UTRN: variants seen among roughly 807,000 people sequenced by gnomAD.
UTRN encodes the protein utrophin.
In UTRN, 283 loss-of-function variants were observed where a neutral mutation model predicts 463.9. The ratio of observed to expected loss-of-function variants is 0.61; its 90% CI spans 0.55 to 0.67. The LOEUF (loss-of-function observed/expected upper bound fraction) is 0.67, where lower values mean the gene tolerates loss of function less well. Ranked by LOEUF, UTRN falls within the 30% of genes least tolerant of loss-of-function variation. UTRN has a pLI of 0.00. For missense variants in UTRN, 3,922 were observed against 4,084.3 expected, an observed-to-expected ratio of 0.96 and a Z score of 1.08; for synonymous variants, 1,442 against 1,431.5, an observed-to-expected ratio of 1.01 and a Z score of -0.17.
intron 54 of UTRN, among the ~76,000 whole-genome samples, chr6:144,744,645 A>G (rs1199881935): frequency 7.2e-6 from 1 of 138,152 alleles, no homozygotes; most frequent in African/African-American, 2.9e-5. Context: ...ACACACACAC[A>G]CACACACTTT....
In UTRN at chr6:144,803,094, C is replaced by G. The variant is rs768258957; in HGVS notation, c.9304C>G (p.Arg3102Gly). 13 of 1,594,676 alleles carry G rather than the reference C, an allele frequency of 8.2e-6. No individual in the cohort carries two copies. The highest frequency in any genetic ancestry group is 1.7e-6 in the Non-Finnish European group (2 of 1,170,938). Residue 3102 changes from arginine (R) to glycine (G), a missense_variant, in exon 65 of 75, where the codon CGA (arginine) becomes GGA (glycine). By Grantham distance (125) the Arg-to-Gly change is moderately radical. Transcript: ENST00000367545. ...CTGCCAGAGTTGTTTCTTTTCGGGT[C>G]GAACAGCAAAAGGTCACAAATTACA... Reference protein sequence around the residue: ...DVCQSCFFSGRTAKGHKLHYP... With the variant: ...DVCQSCFFSGGTAKGHKLHYP...
chr6:144,824,614 C>CTCTTTTT lies in UTRN; in HGVS notation c.9495-2733_9495-2732insCTTTTTT, dbSNP rs1315487327. ...TATATATATATATATATATATATAT[C>CTCTTTTT]TTTTTTTTTTTTTTTTTTTTTTTGA... On this transcript the variant is annotated intron_variant, in intron 66 of 74. Transcript: ENST00000367545. Among the ~76,000 whole-genome samples, 36 of 30,868 alleles carry CTCTTTTT rather than the reference C, an allele frequency of 1.2e-3. 3 individuals are homozygous for CTCTTTTT. Among genetic ancestry groups the CTCTTTTT allele is most frequent in the African/African-American group, 3.8e-3 (36 of 9,468 alleles). The allele number at this position is 30,868 out of a possible 152,430, so 20.3% of individuals were successfully genotyped here.
chr6:144,618,591 A>T (rs1775016909), intron 51 of UTRN, among the ~76,000 whole-genome samples: 1 of 152,102 alleles, frequency 6.6e-6, no homozygotes, highest in Non-Finnish European at 1.5e-5. Context: ...GTCAGTAGTT[A>T]ACCAAGAAAC....
At chr6:144,621,981 A>T (rs1020504384) in intron 51 of UTRN, among the ~76,000 whole-genome samples, 5 of 151,364 alleles carry the variant, frequency 3.3e-5, no homozygotes, top group Non-Finnish European at 7.4e-5. Flanking sequence ...AGTTTATTTA[A>T]AGCTCTTGCT....
intron 3 of UTRN, among the ~76,000 whole-genome samples, chr6:144,412,586 G>T (rs922019793): frequency 6.7e-6 from 1 of 148,378 alleles, no homozygotes; most frequent in South Asian, 2.1e-4. Context: ...GATGAGGAGG[G>T]AGAGAGAGAG....
chr6:144,827,791 T>C (rs2297844), intron 68 of UTRN, 115 bp downstream of exon 68: 177,777 of 1,247,576 alleles, frequency 0.14, 17,260 homozygotes, highest in East Asian at 0.48. Flanking sequence ...TTGCAGGAGT[T>C]ATGATTCCAT....
At chr6:144,363,798 A>G (rs1326360856) in intron 2 of UTRN, among the ~76,000 whole-genome samples, 1 of 152,170 alleles carries the variant, frequency 6.6e-6, no homozygotes, top group Non-Finnish European at 1.5e-5. Context: ...TACTGATGGC[A>G]ATGTTGGGGC....
chr6:144,426,222 T>C (rs1170161276), intron 6 of UTRN, 65 bp from the exon 7 acceptor site: 10 of 1,524,806 alleles, frequency 6.6e-6, no homozygotes, highest in East Asian at 2.3e-5. Context: ...AAGGACTTCA[T>C]TGAAGTAAGT....
intron 51 of UTRN, among the ~76,000 whole-genome samples, chr6:144,671,150 T>G (rs1585907712): frequency 6.5e-5 from 2 of 30,984 alleles, no homozygotes; most frequent in Non-Finnish European, 1.0e-4. Context: ...ATTTTAGAGT[T>G]TTTTTTTTTT....
chr6:144,451,731 G>A (rs1282808963), intron 18 of UTRN, among the ~76,000 whole-genome samples: 2 of 151,758 alleles, frequency 1.3e-5, no homozygotes, highest in African/African-American at 2.4e-5. Flanking sequence ...TGTACAGTGA[G>A]GAATACTTCT....
chr6:144,636,735 G>C (rs764661986), intron 51 of UTRN, among the ~76,000 whole-genome samples: 7 of 152,220 alleles, frequency 4.6e-5, no homozygotes, highest in Middle Eastern at 3.4e-3. Context: ...GATTATAGTT[G>C]CTTGCAGTAT....
intron 2 of UTRN, among the ~76,000 whole-genome samples, chr6:144,351,906 C>T (rs1461985026): frequency 6.6e-6 from 1 of 152,184 alleles, no homozygotes; most frequent in African/African-American, 2.4e-5. Context: ...ACTTGGCACT[C>T]TGAGAAGCAA....
rs1467148397 is a variant in UTRN, at chr6:144,835,789, G to A, written c.9675G>A (p.Glu3225=). The change falls in exon 70 of 75, where the codon GAG becomes GAA. Residue 3225 remains glutamate (E), a synonymous_variant. Coordinates refer to ENST00000367545, the MANE Select transcript of UTRN (RefSeq NM_007124.3). ...TCCTTTGTCTTGCTAGGGAAGACGA[G>A]CACGCCCTCATCCAGCAGTATTGCC... ...SSSTTGSVED[E]HALIQQYCQT... 6.2e-7 allele frequency: 1 copy of A among 1,613,920 alleles called. No individual in the cohort carries two copies. The highest frequency in any genetic ancestry group is 8.5e-7 in the Non-Finnish European group (1 of 1,179,970).
chr6:144,737,142 T>C lies in UTRN; in HGVS notation c.7939+6656T>C, dbSNP rs1470143485. ...GAGAGTCTGAAAGAGTGTAAAAAAA[T>C]GATCTGAGCAGCCAGGATAGAGATT... On this transcript the variant is annotated intron_variant, in intron 54 of 74. Coordinates refer to ENST00000367545, the MANE Select transcript of UTRN (RefSeq NM_007124.3). Among the ~76,000 whole-genome samples, 3 of 152,064 alleles carry C rather than the reference T, an allele frequency of 2.0e-5. No homozygotes were observed. In the East Asian group the frequency reaches 5.8e-4, roughly 29 times the overall value.
intron 34 of UTRN, among the ~76,000 whole-genome samples, chr6:144,504,208 T>C (rs761499041): frequency 3.3e-5 from 5 of 152,216 alleles, no homozygotes; most frequent in Non-Finnish European, 7.3e-5. Flanking sequence ...ACTTCTTCTC[T>C]TCCTATTTGA....
chr6:144,824,077 G>C (rs1477882444), intron 66 of UTRN, among the ~76,000 whole-genome samples: 2 of 152,152 alleles, frequency 1.3e-5, no homozygotes, highest in East Asian at 3.9e-4. Flanking sequence ...GTCCAAGGAA[G>C]CATTTTCAAA....
intron 3 of UTRN, among the ~76,000 whole-genome samples, chr6:144,410,010 C>G (rs530682277): frequency 6.6e-6 from 1 of 152,176 alleles, no homozygotes; most frequent in Admixed American, 6.5e-5. Flanking sequence ...ACTAGATGTG[C>G]CTTGTTGTGA....
intron 2 of UTRN, among the ~76,000 whole-genome samples, chr6:144,338,067 A>G (rs1170305063): frequency 2.0e-5 from 3 of 152,252 alleles, no homozygotes; most frequent in African/African-American, 7.2e-5. Flanking sequence ...CATGCTTTGG[A>G]AAAACAATTT....
intron 58 of UTRN, among the ~76,000 whole-genome samples, chr6:144,770,876 A>G (rs1793931287): frequency 6.6e-6 from 1 of 152,206 alleles, no homozygotes; most frequent in Admixed American, 6.5e-5. Context: ...GGGAATCCAG[A>G]TACACATGAA....
Sources: gnomAD v4.1 joint callset for allele counts (sites outside exome capture counted in the v4.1 genomes callset) on GRCh38, gnomAD v4.1.1 for gene constraint, MANE v1.5 for transcripts, NCBI Gene and HGNC (gene_info 2026-07-23, HGNC 2026-07-21) for gene names.